M1AP: variants seen among roughly 807,000 people sequenced by gnomAD.
M1AP encodes meiosis 1 associated protein, also known as meiosis 1 arrest protein.
M1AP carries 39 observed loss-of-function variants against 51.2 expected under a neutral mutation model. That is an observed-to-expected ratio of 0.76 (90% confidence interval 0.59 to 1.00). M1AP has a LOEUF of 1.00. Among genes scored for constraint, M1AP ranks in the 50% least tolerant of loss-of-function variants. M1AP has a pLI of 0.00. For synonymous variants in M1AP, 251 were observed against 249.2 expected (o/e 1.01, Z -0.07); for missense variants, 545 against 641.2 (o/e 0.85, Z 1.62).
intron 4 of M1AP, among the ~76,000 whole-genome samples, chr2:74,594,996 A>G (rs1432552999): frequency 1.3e-5 from 2 of 152,212 alleles, no homozygotes; most frequent in Non-Finnish European, 2.9e-5. Flanking sequence ...TAATAAACAT[A>G]AGATAAATTT....
chr2:74,599,759 C>A (rs7422231), intron 4 of M1AP, among the ~76,000 whole-genome samples: 12,903 of 151,680 alleles, frequency 0.085, 1,448 homozygotes, highest in African/African-American at 0.26. Context: ...TATTCTCTCT[C>A]TATATATAAT....
chr2:74,584,448 CAAAAA>C (rs772920948), intron 4 of M1AP, among the ~76,000 whole-genome samples: 2 of 73,578 alleles, frequency 2.7e-5, no homozygotes, highest in Admixed American at 1.5e-4. Flanking sequence ...GTCTCAGTTG[CAAAAA>C]AAAAAAAAAA....
At position 74,581,093 on chromosome 2, in the gene M1AP, T is replaced by C. The variant is rs576454583; in HGVS notation, c.769+581A>G. Reference sequence around the variant, plus strand: ...GCAGAACAGTATCCATTATCCAGGATATTTTTGGCATGACCAGAACACTGG... The same window carrying C: ...GCAGAACAGTATCCATTATCCAGGACATTTTTGGCATGACCAGAACACTGG... On this transcript the variant is annotated intron_variant, in intron 5 of 10. Coordinates refer to ENST00000421985, the MANE Select transcript of M1AP (RefSeq NM_001321739.2). Among the ~76,000 whole-genome samples the C allele has an allele frequency of 1.1e-4, 17 of 152,286 alleles. 1 individual carries two copies. The highest frequency in any genetic ancestry group is 1.0e-3 in the South Asian group (5 of 4,816).
intron 2 of M1AP, among the ~76,000 whole-genome samples, chr2:74,634,546 T>C (rs1176469324): frequency 6.6e-6 from 1 of 152,188 alleles, no homozygotes; most frequent in Non-Finnish European, 1.5e-5. Flanking sequence ...CTGCATGCCT[T>C]TTATTTCCTT....
intron 4 of M1AP, among the ~76,000 whole-genome samples, chr2:74,582,323 A>G (rs1278831504): frequency 6.6e-6 from 1 of 152,228 alleles, no homozygotes; most frequent in African/African-American, 2.4e-5. Flanking sequence ...ACACAAAGGC[A>G]TATGCAAAGA....
intron 2 of M1AP, chr2:74,628,435 C>A: frequency 2.6e-6 from 1 of 391,744 alleles, no homozygotes; most frequent in Admixed American, 3.2e-5. Context: ...CTGATGTAAC[C>A]ATATAGGTTG....
chr2:74,586,404 T>C (rs1679711297), intron 4 of M1AP, among the ~76,000 whole-genome samples: 1 of 152,216 alleles, frequency 6.6e-6, no homozygotes. Flanking sequence ...CCTGTAACTC[T>C]TGAGCTTCAT....
At chr2:74,639,250 T>C (rs1483306657) in intron 2 of M1AP, among the ~76,000 whole-genome samples, 2 of 152,262 alleles carry the variant, frequency 1.3e-5, no homozygotes, top group Admixed American at 6.5e-5. Context: ...TTCAGTCATA[T>C]ATTACATTCA....
intron 2 of M1AP, among the ~76,000 whole-genome samples, chr2:74,623,702 C>T (rs922591113): frequency 6.6e-6 from 1 of 152,066 alleles, no homozygotes; most frequent in East Asian, 1.9e-4. Context: ...GACAGGGTCT[C>T]GCTCTGTCAC....
chr2:74,624,874 T>A (rs566408772), intron 2 of M1AP, among the ~76,000 whole-genome samples: 1 of 152,320 alleles, frequency 6.6e-6, no homozygotes, highest in African/African-American at 2.4e-5. Flanking sequence ...TTGTTTCCAA[T>A]CTTTTGTTAC....
At chr2:74,594,430 A>G (rs1463659316) in intron 4 of M1AP, among the ~76,000 whole-genome samples, 2 of 152,194 alleles carry the variant, frequency 1.3e-5, no homozygotes, top group Non-Finnish European at 2.9e-5. Context: ...CAACCAACCA[A>G]GCAAAAAGTC....
intron 1 of M1AP, among the ~76,000 whole-genome samples, chr2:74,643,728 G>C (rs1683445645): frequency 6.6e-6 from 1 of 151,830 alleles, no homozygotes; most frequent in African/African-American, 2.4e-5. Flanking sequence ...TAAGTACCTG[G>C]CACTACAGGC....
chr2:74,621,524 G>A (rs1364777500), intron 2 of M1AP, among the ~76,000 whole-genome samples: 4 of 152,014 alleles, frequency 2.6e-5, no homozygotes, highest in African/African-American at 9.7e-5. Context: ...GGTGGCTCAC[G>A]CCTGTAATCC....
At chr2:74,576,931 T>A in intron 5 of M1AP, 1 of 1,107,910 alleles carries the variant, frequency 9.0e-7, no homozygotes, top group Non-Finnish European at 1.1e-6. Context: ...TAGTGAGACA[T>A]CTGGCTTGTG....
Position 74,564,122 on chromosome 2 carries a change from G to T in M1AP, c.1075-1699C>A, listed in dbSNP as rs1284307807. On this transcript the variant is annotated intron_variant, in intron 7 of 10. Coordinates refer to ENST00000421985, the MANE Select transcript of M1AP (RefSeq NM_001321739.2). ...AGAGGAAAGGCAAAAAGGGGGAAAA[G>T]ATTTTTAGAGGAAAGAGGATTATCA... is the stretch of plus-strand genomic sequence containing the variant. Among the ~76,000 whole-genome samples, 6 of 152,216 alleles carry T rather than the reference G, an allele frequency of 3.9e-5. No individual in the cohort carries two copies. In the East Asian group the frequency reaches 9.6e-4, roughly 24 times the overall value.
At chr2:74,575,302 C>T in intron 7 of M1AP, 136 bp downstream of exon 7, 1 of 1,469,392 alleles carries the variant, frequency 6.8e-7, no homozygotes, top group African/African-American at 1.4e-5. Context: ...CTCCAAATTT[C>T]AGAGTATTTC....
intron 2 of M1AP, among the ~76,000 whole-genome samples, chr2:74,622,941 A>T (rs2104773074): frequency 6.7e-6 from 1 of 148,770 alleles, no homozygotes; most frequent in East Asian, 1.9e-4. Context: ...TATACACTTT[A>T]AAAAAAAATA....
chr2:74,559,587 C>G (rs1677767396), intron 10 of M1AP, 111 bp downstream of exon 10: 5 of 689,854 alleles, frequency 7.2e-6, no homozygotes, highest in Non-Finnish European at 8.1e-6. Flanking sequence ...CTCAATCACT[C>G]TTCCCTCTTC....
intron 4 of M1AP, among the ~76,000 whole-genome samples, chr2:74,590,748 T>C (rs1473894077): frequency 2.6e-5 from 4 of 152,140 alleles, no homozygotes; most frequent in Non-Finnish European, 5.9e-5. Flanking sequence ...ACTGAGTGAC[T>C]TGCTCTGCCC....
Sources: gnomAD v4.1 joint callset for allele counts (sites outside exome capture counted in the v4.1 genomes callset) on GRCh38, gnomAD v4.1.1 for gene constraint, MANE v1.5 for transcripts, NCBI Gene and HGNC (gene_info 2026-07-23, HGNC 2026-07-21) for gene names.